The following KCNAB1 variants were observed in gnomAD, a reference collection of about 807,000 sequenced individuals.
KCNAB1 encodes the protein potassium voltage-gated channel subfamily A regulatory beta subunit 1.
In KCNAB1, 35 loss-of-function variants were observed where a neutral mutation model predicts 64.6. The observed-to-expected ratio is 0.54, with a 90% CI of 0.41 to 0.72. The LOEUF is 0.72. Among genes scored for constraint, KCNAB1 ranks in the 30% least tolerant of loss-of-function variants. The probability of loss-of-function intolerance (pLI) is 0.00; values close to 1 mark genes in which losing one functional copy is unlikely to be tolerated. For missense variants in KCNAB1, 401 were observed against 512.9 expected (o/e 0.78, Z 2.11); for synonymous variants, 177 against 183.8 (o/e 0.96, Z 0.30).
intron 1 of KCNAB1, among the ~76,000 whole-genome samples, chr3:156,222,540 G>A (rs1715847612): frequency 6.6e-6 from 1 of 152,108 alleles, no homozygotes. Context: ...AGTCAACAGA[G>A]AAACAATGGA....
At chr3:156,385,066 T>C (rs566364693) in intron 1 of KCNAB1, among the ~76,000 whole-genome samples, 1 of 152,376 alleles carries the variant, frequency 6.6e-6, no homozygotes, top group East Asian at 1.9e-4. Context: ...GTAAGATTTG[T>C]GCAAGTAGAG....
chr3:156,307,472 T>C (rs1430867644), intron 1 of KCNAB1, among the ~76,000 whole-genome samples: 1 of 152,190 alleles, frequency 6.6e-6, no homozygotes, highest in Admixed American at 6.5e-5. Context: ...AATGGTTAAA[T>C]TGCTTTTCCA....
intron 1 of KCNAB1, chr3:156,176,371 T>C: frequency 1.3e-6 from 1 of 794,948 alleles, no homozygotes; most frequent in Non-Finnish European, 2.3e-6. Context: ...GATGGCTGCT[T>C]TCTTCCAGAG....
chr3:156,530,266 G>A (rs1718612287), intron 12 of KCNAB1, among the ~76,000 whole-genome samples: 1 of 152,212 alleles, frequency 6.6e-6, no homozygotes, highest in African/African-American at 2.4e-5. Flanking sequence ...CCAAGGCAGA[G>A]TTTGGTCTTG....
intron 11 of KCNAB1, among the ~76,000 whole-genome samples, chr3:156,523,351 G>A (rs573545038): frequency 2.6e-5 from 4 of 152,222 alleles, no homozygotes; most frequent in South Asian, 4.2e-4. Flanking sequence ...TTGAAAGCAC[G>A]GGGGAGAAAA....
chr3:156,523,855 T>G lies in KCNAB1; in HGVS notation c.989T>G (p.Val330Gly), dbSNP rs1718116890. The G allele has an allele frequency of 2.5e-6, 4 of 1,613,632 alleles. No individual in the cohort carries two copies. The East Asian group carries it at 8.9e-5, about 36-fold the overall frequency. The change falls in exon 12 of 14, where the codon GTA becomes GGA. Residue 330 changes from valine to glycine, a missense_variant. Transcript: ENST00000490337. ...TACCAGTGGTTGAAAGAAAGAATTG[T>G]AAGTGAAGAAGGGAGAAAACAGCAA... is the stretch of plus-strand genomic sequence containing the variant. ...KCYQWLKERI[V>G]SEEGRKQQNK...
At chr3:156,428,211 G>A (rs542670062) in intron 2 of KCNAB1, among the ~76,000 whole-genome samples, 1 of 152,272 alleles carries the variant, frequency 6.6e-6, no homozygotes, top group East Asian at 1.9e-4. Context: ...AATGTGGGTA[G>A]CACTTTCCCA....
intron 1 of KCNAB1, among the ~76,000 whole-genome samples, chr3:156,408,790 A>T (rs1187160623): frequency 3.9e-5 from 6 of 152,148 alleles, no homozygotes; most frequent in Admixed American, 2.0e-4. Context: ...CATAAAAAAA[A>T]AAATAAAATA....
chr3:156,445,878 A>G (rs1711514335), intron 2 of KCNAB1, among the ~76,000 whole-genome samples: 1 of 152,188 alleles, frequency 6.6e-6, no homozygotes, highest in African/African-American at 2.4e-5. Flanking sequence ...GAAACCATAG[A>G]ATCATGAAAT....
intron 1 of KCNAB1, among the ~76,000 whole-genome samples, chr3:156,263,913 A>T (rs932750978): frequency 1.3e-5 from 2 of 152,158 alleles, no homozygotes; most frequent in African/African-American, 4.8e-5. Context: ...CTACTCACAT[A>T]GAGTTGATTG....
At chr3:156,154,521 C>T (rs536767420) in intron 1 of KCNAB1, among the ~76,000 whole-genome samples, 15 of 152,028 alleles carry the variant, frequency 9.9e-5, no homozygotes, top group African/African-American at 2.2e-4. Context: ...TAGATAAATG[C>T]GCCAGAGGAT....
intron 1 of KCNAB1, among the ~76,000 whole-genome samples, chr3:156,236,831 A>G (rs1716876350): frequency 6.6e-6 from 1 of 152,156 alleles, no homozygotes; most frequent in Admixed American, 6.5e-5. Flanking sequence ...AGAATTATAT[A>G]CCCAGTCTAA....
chr3:156,254,716 G>A (rs1718007400), intron 1 of KCNAB1, among the ~76,000 whole-genome samples: 1 of 152,176 alleles, frequency 6.6e-6, no homozygotes, highest in Admixed American at 6.5e-5. Context: ...AGAAGTGTTG[G>A]TTGCTGAGAG....
At chr3:156,292,497 A>G (rs2107970280) in intron 1 of KCNAB1, among the ~76,000 whole-genome samples, 1 of 152,302 alleles carries the variant, frequency 6.6e-6, no homozygotes, top group South Asian at 2.1e-4. Flanking sequence ...GGATTATACT[A>G]TCAGAAATAG....
intron 1 of KCNAB1, among the ~76,000 whole-genome samples, chr3:156,169,520 G>A (rs1282692241): frequency 1.3e-5 from 2 of 152,126 alleles, no homozygotes; most frequent in Admixed American, 6.6e-5. Context: ...GGGCTCTCTG[G>A]GTATTTCTAT....
intron 1 of KCNAB1, among the ~76,000 whole-genome samples, chr3:156,349,728 G>GT (rs974126104): frequency 1.3e-5 from 2 of 151,938 alleles, no homozygotes; most frequent in African/African-American, 2.4e-5. Context: ...ACCCAGCAAA[G>GT]TTTTTTTGTA....
At chr3:156,347,455 T>C (rs1412239785) in intron 1 of KCNAB1, among the ~76,000 whole-genome samples, 1 of 152,224 alleles carries the variant, frequency 6.6e-6, no homozygotes, top group Non-Finnish European at 1.5e-5. Flanking sequence ...TCTCTCATGG[T>C]TTTGCCATCA....
At chr3:156,456,417 T>C (rs1031332180) in intron 3 of KCNAB1, among the ~76,000 whole-genome samples, 19 of 152,228 alleles carry the variant, frequency 1.2e-4, no homozygotes, top group African/African-American at 4.3e-4. Flanking sequence ...GTCTTAACTT[T>C]TAATCTCCAG....
chr3:156,480,161 G>A (rs1714682274), intron 8 of KCNAB1, among the ~76,000 whole-genome samples: 1 of 152,096 alleles, frequency 6.6e-6, no homozygotes, highest in East Asian at 1.9e-4. Context: ...CAGTAGATCA[G>A]GCCTTCTGCC....
Sources: gnomAD v4.1 joint callset for allele counts (sites outside exome capture counted in the v4.1 genomes callset) on GRCh38, gnomAD v4.1.1 for gene constraint, MANE v1.5 for transcripts, NCBI Gene and HGNC (gene_info 2026-07-23, HGNC 2026-07-21) for gene names.